The following SRGAP2 variants were observed in gnomAD, a reference collection of about 807,000 sequenced individuals.
SRGAP2 encodes the protein SLIT-ROBO Rho GTPase-activating protein 2.
SRGAP2 carries 15 observed loss-of-function variants against 57.2 expected under a neutral mutation model. The observed-to-expected ratio is 0.26, with a 90% CI of 0.18 to 0.40. SRGAP2 has a LOEUF of 0.40. SRGAP2 is among the 10% of genes least tolerant of loss of function. The pLI, the probability that SRGAP2 is intolerant of heterozygous loss-of-function variation, is 1.00. For missense variants in SRGAP2, 520 were observed against 669.6 expected (o/e 0.78, Z 2.47); for synonymous variants, 249 against 248.0 (o/e 1.00, Z -0.04).
intron 3 of SRGAP2, among the ~76,000 whole-genome samples, chr1:206,327,254 G>A (rs1156724737): frequency 6.6e-6 from 1 of 150,690 alleles, no homozygotes; most frequent in Admixed American, 6.6e-5. Flanking sequence ...TTGAACCCAG[G>A]AGGCGGAGGT....
intron 2 of SRGAP2, among the ~76,000 whole-genome samples, chr1:206,283,187 T>G (rs1175028051): frequency 1.3e-5 from 2 of 152,070 alleles, no homozygotes; most frequent in African/African-American, 4.8e-5. Context: ...CTAGACCAAT[T>G]TCTGTATACT....
intron 2 of SRGAP2, among the ~76,000 whole-genome samples, chr1:206,241,801 G>A (rs868993270): frequency 5.9e-5 from 9 of 151,486 alleles, no homozygotes; most frequent in African/African-American, 2.2e-4. Context: ...TTTTTCTTGA[G>A]GCTAGTTTTG....
Position 206,454,885 on chromosome 1 carries a change from G to T in SRGAP2, c.2368G>T (p.Gly790Cys), listed in dbSNP as rs782351219. 7.8e-6 allele frequency: 6 copies of T among 767,408 alleles called. No homozygotes were observed. Among genetic ancestry groups the T allele is most frequent in the Non-Finnish European group, 1.5e-5 (6 of 409,586 alleles). The allele number at this position is 767,408 out of a possible 1,614,324, so 47.5% of individuals were successfully genotyped here. A position where few individuals can be genotyped will look rare whatever the true frequency, so the allele number is the denominator to read the frequency against. The change falls in exon 21 of 23, where the codon GGT becomes TGT. Residue 790 changes from glycine (G) to cysteine (C), a missense_variant. This residue lies in a region of SRGAP2 where 478 missense variants were observed against 373.6 expected (regional missense o/e 1.28). Transcript: ENST00000573034. This position sits in a 1 kb window ranked among gnomAD's most constrained non-coding sequence, Gnocchi z 4.3. The stretch of plus-strand genomic sequence containing the variant: ...CTGCCCCTTCTCCCCCAGCGAGGAC[G>T]GTGTCGTGGAGAGGTCCAGCCCCAA... ...QYIVVQDTED[G>C]VVERSSPKSE...
chr1:206,363,929 C>T (rs1351527878), intron 4 of SRGAP2, among the ~76,000 whole-genome samples: 1 of 152,002 alleles, frequency 6.6e-6, no homozygotes, highest in Non-Finnish European at 1.5e-5. Context: ...TCCTATTTCT[C>T]CTCATCTTTT....
chr1:206,429,329 A>G (rs75885481), intron 13 of SRGAP2, among the ~76,000 whole-genome samples: 1,566 of 152,320 alleles, frequency 0.01, 12 homozygotes, highest in Non-Finnish European at 0.018. Flanking sequence ...TGAAGCTCCC[A>G]TTGGTTCATT....
At chr1:206,447,356 AT>A (rs1662844305) in intron 18 of SRGAP2, among the ~76,000 whole-genome samples, 1 of 152,164 alleles carries the variant, frequency 6.6e-6, no homozygotes, top group South Asian at 2.1e-4. Flanking sequence ...TTAGAGGCCA[AT>A]TGGTCCACGC....
chr1:206,384,642 G>A (rs1348712066), intron 5 of SRGAP2, among the ~76,000 whole-genome samples: 5 of 151,972 alleles, frequency 3.3e-5, no homozygotes, highest in Non-Finnish European at 7.4e-5. Context: ...GGCAGGCTGC[G>A]GGCTTGGAGA....
At chr1:206,326,947 G>C (rs1571866011) in intron 3 of SRGAP2, among the ~76,000 whole-genome samples, 4 of 152,274 alleles carry the variant, frequency 2.6e-5, no homozygotes, top group African/African-American at 9.6e-5. Flanking sequence ...AGGATTGCTT[G>C]AGCCCAGGAG....
At chr1:206,440,952 G>A (rs989356422) in intron 17 of SRGAP2, among the ~76,000 whole-genome samples, 3 of 152,200 alleles carry the variant, frequency 2.0e-5, no homozygotes, top group African/African-American at 4.8e-5. Flanking sequence ...CTATCCCAAG[G>A]TTACCATCTG....
chr1:206,371,385 A>G (rs1654535005), intron 4 of SRGAP2, among the ~76,000 whole-genome samples: 1 of 152,136 alleles, frequency 6.6e-6, no homozygotes, highest in Non-Finnish European at 1.5e-5. Context: ...ATGATCCCAA[A>G]TAGAATCTTA....
chr1:206,339,067 A>G (rs1486451549), intron 3 of SRGAP2, among the ~76,000 whole-genome samples: 1 of 152,008 alleles, frequency 6.6e-6, no homozygotes, highest in Non-Finnish European at 1.5e-5. Context: ...TCTGATTAGC[A>G]TAGATAAGTT....
chr1:206,268,211 A>G (rs1353368644), intron 2 of SRGAP2, among the ~76,000 whole-genome samples: 1 of 150,580 alleles, frequency 6.6e-6, no homozygotes, highest in Non-Finnish European at 1.5e-5. Flanking sequence ...CAATAAGTAT[A>G]TCTCCTAATA....
intron 12 of SRGAP2, among the ~76,000 whole-genome samples, chr1:206,420,999 C>A (rs970837770): frequency 1.3e-5 from 2 of 152,072 alleles, no homozygotes; most frequent in Non-Finnish European, 2.9e-5. Context: ...GCAGGGACGT[C>A]TGTGCTTTTG....
intron 2 of SRGAP2, among the ~76,000 whole-genome samples, chr1:206,295,533 T>C (rs1194365053): frequency 2.0e-5 from 3 of 150,944 alleles, no homozygotes; most frequent in Non-Finnish European, 4.4e-5. Context: ...AAATTTCTTC[T>C]TTTCAAGAAG....
rs1399527854 is a variant in SRGAP2, at chr1:206,398,027, GTCA to G, written c.832-3389_832-3387del. Reference sequence around the variant, plus strand: ...AAGGGTTAATGAGCTATCAACTCAAGTCATCATACATCTGGATGGGCTGTCATT... The same window carrying G: ...AAGGGTTAATGAGCTATCAACTCAAGTCATACATCTGGATGGGCTGTCATT... On this transcript the variant is annotated intron_variant, in intron 7 of 22. Transcript: ENST00000573034. Among the ~76,000 whole-genome samples the G allele has an allele frequency of 1.5e-3, 199 of 132,660 alleles. 1 individual carries two copies. Among genetic ancestry groups the G allele is most frequent in the African/African-American group, 5.4e-3 (180 of 33,266 alleles). 87.0% of individuals were successfully genotyped at this position (132,660 alleles called of 152,430 possible).
chr1:206,443,123 C>A, intron 17 of SRGAP2, among the ~76,000 whole-genome samples: 1 of 152,188 alleles, frequency 6.6e-6, no homozygotes, highest in East Asian at 1.9e-4. Context: ...AACACCAATC[C>A]TGGCGCCCCA....
At position 206,454,822 on chromosome 1, in the gene SRGAP2, T is replaced by G; in HGVS notation, c.2361-56T>G. ...GGCCATCTTGCCGATTTAACGCTGC[T>G]TTTTGTGTTGTTGTTGTTTTCCCTC... On this transcript the variant is annotated intron_variant, in intron 20 of 22. Transcript: ENST00000573034. This position sits in a 1 kb window ranked among gnomAD's most constrained non-coding sequence, Gnocchi z 4.3. 1 of 711,354 alleles carries G rather than the reference T, an allele frequency of 1.4e-6. No homozygotes were observed. Among genetic ancestry groups the G allele is most frequent in the Non-Finnish European group, 2.6e-6 (1 of 385,654 alleles). The allele number at this position is 711,354 out of a possible 1,614,324, so 44.1% of individuals were successfully genotyped here.
chr1:206,346,432 A>G (rs1162428708), intron 4 of SRGAP2, among the ~76,000 whole-genome samples: 1 of 152,246 alleles, frequency 6.6e-6, no homozygotes, highest in Non-Finnish European at 1.5e-5. Context: ...TTGTAATCCC[A>G]CAGATAAGGA....
intron 19 of SRGAP2, among the ~76,000 whole-genome samples, chr1:206,451,730 G>A (rs1413643635): frequency 1.3e-5 from 2 of 152,154 alleles, no homozygotes; most frequent in Non-Finnish European, 2.9e-5. Context: ...CTTTATATAT[G>A]TTATCTCTTA....
Sources: allele counts gnomAD v4.1 joint callset (sites outside exome capture counted in the v4.1 genomes callset), GRCh38; gene constraint gnomAD v4.1.1; regional missense constraint gnomAD v4.1.1; non-coding constraint Gnocchi (gnomAD v3.1); transcripts MANE v1.5; gene names NCBI Gene and HGNC (gene_info 2026-07-23, HGNC 2026-07-21).